HK2: variants seen among roughly 807,000 people sequenced by gnomAD.
HK2 encodes hexokinase 2, also known as hexokinase-2.
In HK2, 42 loss-of-function variants were observed where a neutral mutation model predicts 92.9. The observed-to-expected ratio is 0.45, with a 90% CI of 0.35 to 0.58. The LOEUF is 0.58. HK2 is among the 20% of genes least tolerant of loss of function. The pLI is 0.00. For missense variants in HK2, 978 were observed against 1,245.1 expected, an observed-to-expected ratio of 0.79 and a Z score of 3.23; for synonymous variants, 422 against 468.0, an observed-to-expected ratio of 0.90 and a Z score of 1.27.
chr2:74,889,583 T>C lies in HK2; in HGVS notation c.2609+105T>C, dbSNP rs1272887847. ...TTACTTTATAGTGAATTATCAGCCA[T>C]TCCAAATAGTGTATATAATACATGG... On this transcript the variant is annotated intron_variant, in intron 17 of 17. Transcript: ENST00000290573. The C allele has an allele frequency of 1.5e-5, 12 of 806,120 alleles. No individual in the cohort carries two copies. The East Asian group carries it at 3.2e-4, about 21-fold the overall frequency. The allele number at this position is 806,120 out of a possible 1,614,324, so 49.9% of individuals were successfully genotyped here.
intron 8 of HK2, among the ~76,000 whole-genome samples, chr2:74,878,374 T>C (rs771712973): frequency 2.0e-5 from 3 of 151,758 alleles, no homozygotes; most frequent in Non-Finnish European, 4.4e-5. Context: ...ACATAGCACA[T>C]GCATAAGAAA....
chr2:74,877,413 C>G, intron 8 of HK2, 92 bp downstream of exon 8: 8 of 1,435,146 alleles, frequency 5.6e-6, no homozygotes, highest in Non-Finnish European at 7.9e-6. Context: ...CCTTTTGACT[C>G]TTCAAGTATA....
chr2:74,838,839 ATTCT>A (rs1232980131), intron 1 of HK2, among the ~76,000 whole-genome samples: 1 of 152,156 alleles, frequency 6.6e-6, no homozygotes, highest in Non-Finnish European at 1.5e-5. Context: ...CGCCTGGCTG[ATTCT>A]TTCTATTGAT....
intron 1 of HK2, among the ~76,000 whole-genome samples, chr2:74,835,701 C>T (rs533716011): frequency 6.6e-6 from 1 of 152,260 alleles, no homozygotes; most frequent in Non-Finnish European, 1.5e-5. Context: ...TGGCTCCTGG[C>T]CCGGGCCTGG....
In HK2 at chr2:74,880,237, G is replaced by A. The variant is rs1558802977; in HGVS notation, c.1266-28G>A. 2.5e-6 allele frequency: 4 copies of A among 1,613,552 alleles called. No homozygotes were observed. In the East Asian group the frequency reaches 6.7e-5, roughly 27 times the overall value. On this transcript the variant is annotated intron_variant, in intron 9 of 17. Coordinates refer to ENST00000290573, the MANE Select transcript of HK2 (RefSeq NM_000189.5). ...CCATTGACCCTAACCATGGACACCTGTCTCTTACCCGCCCTGGGGAACTGC... is the reference window on the plus strand; with the variant it reads ...CCATTGACCCTAACCATGGACACCTATCTCTTACCCGCCCTGGGGAACTGC...
intron 4 of HK2, 101 bp downstream of exon 4, chr2:74,872,520 A>G: frequency 7.7e-7 from 1 of 1,300,560 alleles, no homozygotes; most frequent in South Asian, 1.2e-5. Context: ...GTAGCACTGG[A>G]GGATTGTGGA....
In HK2 at chr2:74,881,791, G is replaced by A; in HGVS notation, c.1651G>A (p.Gly551Ser). Residue 551 changes from glycine (G) to serine (S), a missense_variant, in exon 11 of 18, where the codon GGT (glycine) becomes AGT (serine). By Grantham distance (56) the Gly-to-Ser change is moderately conservative. Around this residue, in one of 3 missense-constraint regions of HK2, gnomAD observed 742 missense variants for 922.5 expected, o/e 0.80. Coordinates refer to ENST00000290573, the MANE Select transcript of HK2 (RefSeq NM_000189.5). ...GGTCCGTGTTCGGAATGGGAAGTGG[G>A]GTGGAGTGGAGATGCACAACAAGAT... Reference protein sequence around the residue: ...LLVRVRNGKWGGVEMHNKIYA... With the variant: ...LLVRVRNGKWSGVEMHNKIYA... The A allele has an allele frequency of 6.2e-7, 1 of 1,614,126 alleles. No homozygotes were observed. Among genetic ancestry groups the A allele is most frequent in the Non-Finnish European group, 8.5e-7 (1 of 1,180,012 alleles).
At position 74,855,550 on chromosome 2, in the gene HK2, T is replaced by C. The variant is rs1327629708; in HGVS notation, c.226+1095T>C. Among the ~76,000 whole-genome samples the C allele has an allele frequency of 2.0e-5, 3 of 152,146 alleles. No homozygotes were observed. In the East Asian group the frequency reaches 5.8e-4, roughly 29 times the overall value. On this transcript the variant is annotated intron_variant, in intron 2 of 17. Transcript: ENST00000290573. ...CACCCAGCCCAGAATCCTTATTTTA[T>C]GGTACACCACCCAGCAAGTGATTTA...
chr2:74,873,749 G>A (rs72910527), intron 5 of HK2, 95 bp from the exon 6 acceptor site: 53 of 661,000 alleles, frequency 8.0e-5, no homozygotes, highest in African/African-American at 7.2e-4. Flanking sequence ...GAGAGAGAAG[G>A]AGGAGGAGGA....
chr2:74,835,074 C>A, intron 1 of HK2: 1 of 254,904 alleles, frequency 3.9e-6, no homozygotes, highest in Non-Finnish European at 7.7e-6. Context: ...CGTGGGGCCG[C>A]CGGGGGCCGT....
rs62146711 is a variant in HK2, at chr2:74,874,263, C to T, written c.692-3C>T. Reference sequence around the variant, plus strand: ...TGTGCATAGCCGTCCCTTGTTTTGGCAGGCACGGGCAGCAACGCCTGCTAC... The same window carrying T: ...TGTGCATAGCCGTCCCTTGTTTTGGTAGGCACGGGCAGCAACGCCTGCTAC... On this transcript the variant is annotated splice_region_variant and splice_polypyrimidine_tract_variant and intron_variant, in intron 6 of 17. Transcript: ENST00000290573. 660 of 1,614,100 alleles carry T rather than the reference C, an allele frequency of 4.1e-4. 1 individual carries two copies. Among genetic ancestry groups the T allele is most frequent in the Non-Finnish European group, 5.3e-4 (620 of 1,180,030 alleles).
intron 10 of HK2, 119 bp downstream of exon 10, chr2:74,880,688 C>T (rs1299065136): frequency 7.7e-6 from 8 of 1,033,034 alleles, no homozygotes; most frequent in Admixed American, 4.0e-5. Flanking sequence ...TTTCTTCAGC[C>T]GTATTACTAG....
rs1354116989 is a variant in HK2 at position 74,890,802 on chromosome 2, C to T, written c.2615C>T (p.Ala872Val). ...GTLYKLHPHF[A>V]KVMHETVKDL... is the part of the protein sequence containing the mutation. ...CTTCCTCCCACCTTTTCCAGCTTTGCCAAAGTCATGCATGAGACAGTGAAG... is the reference window on the plus strand; with the variant it reads ...CTTCCTCCCACCTTTTCCAGCTTTGTCAAAGTCATGCATGAGACAGTGAAG... Residue 872 changes from alanine (A) to valine (V), a missense_variant, in exon 18 of 18, where the codon GCC (alanine) becomes GTC (valine). Physicochemically the swap from Ala to Val is moderately conservative, Grantham distance 64 (BLOSUM62 0). Coordinates refer to ENST00000290573, the MANE Select transcript of HK2 (RefSeq NM_000189.5). 11 of 1,614,058 alleles carry T rather than the reference C, an allele frequency of 6.8e-6. No homozygotes were observed. The highest frequency in any genetic ancestry group is 1.3e-5 in the African/African-American group (1 of 74,912).
rs139955925 is a variant in HK2 at position 74,886,210 on chromosome 2, T to C, written c.1936-84T>C. On this transcript the variant is annotated intron_variant, in intron 13 of 17. Transcript: ENST00000290573. Reference sequence around the variant, plus strand: ...CATGGTGTATGATATATATTTTATATACCTGTAAATCTCCCATGCAATTGT... The same window carrying C: ...CATGGTGTATGATATATATTTTATACACCTGTAAATCTCCCATGCAATTGT... 2.8e-3 allele frequency: 2,663 copies of C among 943,578 alleles called. 7 individuals carry two copies. Among genetic ancestry groups the C allele is most frequent in the Non-Finnish European group, 3.7e-3 (2,121 of 576,268 alleles). 58.5% of individuals were successfully genotyped at this position (943,578 alleles called of 1,614,324 possible).
At chr2:74,879,211 GTCTTTAC>G (rs920467254) in intron 9 of HK2, among the ~76,000 whole-genome samples, 36 of 152,312 alleles carry the variant, frequency 2.4e-4, no homozygotes, top group African/African-American at 8.7e-4. Flanking sequence ...TATTGTTCCT[GTCTTTAC>G]TCTTAGAATT....
At chr2:74,885,885 C>CACACACACACACACACAA (rs58908262) in intron 13 of HK2, among the ~76,000 whole-genome samples, 76 of 148,418 alleles carry the variant, frequency 5.1e-4, no homozygotes, top group African/African-American at 1.9e-3. Context: ...CACACACACA[C>CACACACACACACACACAA]AGTAAAGGAA....
rs1010922225 is a variant in HK2, at chr2:74,853,703, A to G, written c.64-590A>G. Among the ~76,000 whole-genome samples the G allele has an allele frequency of 2.0e-5, 3 of 151,932 alleles. No individual in the cohort carries two copies. The South Asian group carries it at 6.2e-4, about 32-fold the overall frequency. ...ACTGGAGCGATACCCTGTCAAAAAA[A>G]AAAAAGATAAAAAGATTAGGAGGTG... On this transcript the variant is annotated intron_variant, in intron 1 of 17. Coordinates refer to ENST00000290573, the MANE Select transcript of HK2 (RefSeq NM_000189.5).
chr2:74,857,192 C>T (rs1023951617), intron 2 of HK2, among the ~76,000 whole-genome samples: 1 of 152,232 alleles, frequency 6.6e-6, no homozygotes, highest in African/African-American at 2.4e-5. Flanking sequence ...GTTAGCTCCT[C>T]ACCTCCATAC....
At chr2:74,856,878 G>A (rs1688708453) in intron 2 of HK2, among the ~76,000 whole-genome samples, 1 of 152,216 alleles carries the variant, frequency 6.6e-6, no homozygotes, top group Non-Finnish European at 1.5e-5. Context: ...GGAGCACACT[G>A]CAAATGCTCA....
Sources: gnomAD v4.1 joint callset for allele counts (sites outside exome capture counted in the v4.1 genomes callset) on GRCh38, gnomAD v4.1.1 for gene constraint, gnomAD v4.1.1 regional missense constraint, MANE v1.5 for transcripts, NCBI Gene and HGNC (gene_info 2026-07-23, HGNC 2026-07-21) for gene names.